The following KAZN variants were observed in gnomAD, a reference collection of about 807,000 sequenced individuals.
KAZN encodes kazrin.
Under a neutral mutation model 87.4 loss-of-function variants are expected in KAZN, and 40 were observed. The ratio of observed to expected loss-of-function variants is 0.46; its 90% CI spans 0.36 to 0.60. The LOEUF (loss-of-function observed/expected upper bound fraction) is 0.60. Among genes scored for constraint, KAZN ranks in the 20% least tolerant of loss-of-function variants. The pLI is 0.00. For missense variants in KAZN, 898 were observed against 1,073.9 expected (o/e 0.84, Z 2.29); for synonymous variants, 466 against 458.3 (o/e 1.02, Z -0.22).
In KAZN at chr1:13,993,196, T is replaced by A. The variant is rs534234154; in HGVS notation, c.91+99440T>A. 1.4e-4 allele frequency among the ~76,000 whole-genome samples: 21 copies of A among 152,342 alleles called. No individual in the cohort carries two copies. The East Asian group carries it at 3.5e-3, about 25-fold the overall frequency. On this transcript the variant is annotated intron_variant, in intron 1 of 16. Transcript: ENST00000636203. The stretch of plus-strand genomic sequence containing the variant: ...ATAATCCCAGAAAGAGGTTGCTTCA[T>A]CAGCCTGGGTCTCACAGTGAAGGTA...
intron 2 of KAZN, among the ~76,000 whole-genome samples, chr1:14,390,209 A>G (rs551590054): frequency 6.6e-6 from 1 of 152,366 alleles, no homozygotes; most frequent in Non-Finnish European, 1.5e-5. Context: ...GTGCTCAACA[A>G]TGATCTAGCT....
intron 1 of KAZN, among the ~76,000 whole-genome samples, chr1:14,138,152 G>T (rs1359721619): frequency 6.6e-6 from 1 of 151,532 alleles, no homozygotes; most frequent in Non-Finnish European, 1.5e-5. Flanking sequence ...GCAACTACTA[G>T]AAAATCTGCC....
At chr1:14,841,097 A>G (rs936429926) in intron 1 of KAZN, among the ~76,000 whole-genome samples, 1 of 152,186 alleles carries the variant, frequency 6.6e-6, no homozygotes, top group African/African-American at 2.4e-5. Flanking sequence ...CACCATATGT[A>G]CTTTTGCAGG....
intron 2 of KAZN, among the ~76,000 whole-genome samples, chr1:14,465,012 G>A (rs1218842993): frequency 2.6e-5 from 4 of 152,070 alleles, no homozygotes; most frequent in African/African-American, 9.7e-5. Flanking sequence ...CCAACAAGGA[G>A]GATTAGGTGA....
chr1:14,651,743 C>G (rs1300447682), intron 1 of KAZN, among the ~76,000 whole-genome samples: 1 of 152,206 alleles, frequency 6.6e-6, no homozygotes, highest in African/African-American at 2.4e-5. Context: ...CGTGTGAGCT[C>G]TAGCATTAGA....
intron 1 of KAZN, among the ~76,000 whole-genome samples, chr1:14,040,779 A>T (rs976107332): frequency 6.3e-5 from 9 of 143,818 alleles, no homozygotes; most frequent in African/African-American, 2.2e-4. Context: ...AAATTAAAAT[A>T]AAATAAAATT....
chr1:14,580,795 A>G (rs1173787236), intron 2 of KAZN, among the ~76,000 whole-genome samples: 1 of 152,148 alleles, frequency 6.6e-6, no homozygotes, highest in African/African-American at 2.4e-5. Context: ...TGCATTCCAG[A>G]TTCTTGGTCG....
intron 1 of KAZN, among the ~76,000 whole-genome samples, chr1:14,693,472 C>G (rs1337259161): frequency 2.0e-5 from 3 of 152,182 alleles, no homozygotes; most frequent in African/African-American, 7.2e-5. Context: ...TCAGCTCATG[C>G]TGGACTCGTC....
chr1:14,100,826 G>A (rs1644233531), intron 1 of KAZN, among the ~76,000 whole-genome samples: 1 of 152,208 alleles, frequency 6.6e-6, no homozygotes, highest in Admixed American at 6.5e-5. Flanking sequence ...CCATGTGTTT[G>A]TGGGAGGGAC....
intron 2 of KAZN, among the ~76,000 whole-genome samples, chr1:14,213,229 G>A (rs776240632): frequency 9.2e-5 from 14 of 152,264 alleles, no homozygotes; most frequent in African/African-American, 1.4e-4. Context: ...GGTACACGGG[G>A]TTGATTTCAT....
chr1:14,234,555 A>G (rs1648216270), intron 2 of KAZN, among the ~76,000 whole-genome samples: 1 of 152,176 alleles, frequency 6.6e-6, no homozygotes, highest in Non-Finnish European at 1.5e-5. Flanking sequence ...AAGTATAATA[A>G]TAATAATAAT....
chr1:14,246,686 G>T (rs1023522668), intron 2 of KAZN, among the ~76,000 whole-genome samples: 1 of 152,042 alleles, frequency 6.6e-6, no homozygotes, highest in Admixed American at 6.6e-5. Context: ...TTCCCTTACT[G>T]TTCTTTATAG....
intron 1 of KAZN, among the ~76,000 whole-genome samples, chr1:13,906,384 G>T (rs746942522): frequency 6.6e-6 from 1 of 152,166 alleles, no homozygotes; most frequent in Admixed American, 6.5e-5. Context: ...TCCTGGGGGC[G>T]GGCTTCGTTT....
chr1:14,274,599 G>A (rs1652204040), intron 2 of KAZN, among the ~76,000 whole-genome samples: 1 of 152,144 alleles, frequency 6.6e-6, no homozygotes, highest in Non-Finnish European at 1.5e-5. Context: ...GCACAATTTT[G>A]GCACAGGTGA....
chr1:13,952,325 T>C (rs1641376769), intron 1 of KAZN, among the ~76,000 whole-genome samples: 1 of 146,070 alleles, frequency 6.8e-6, no homozygotes, highest in Non-Finnish European at 1.5e-5. Flanking sequence ...GTCTTAGGTA[T>C]AAAATGGAGA....
Position 14,783,377 on chromosome 1 carries a change from T to A in KAZN, c.227-177307T>A, listed in dbSNP as rs1423063634. On this transcript the variant is annotated intron_variant, in intron 1 of 14. Transcript: ENST00000376030. Reference sequence around the variant, plus strand: ...GCCACTGCAAGAGGAAGAGCCCACATGCAGAGAACTGATAAAAACCAACTG... The same window carrying A: ...GCCACTGCAAGAGGAAGAGCCCACAAGCAGAGAACTGATAAAAACCAACTG... 2.0e-5 allele frequency among the ~76,000 whole-genome samples: 3 copies of A among 152,038 alleles called. No individual in the cohort carries two copies. The East Asian group carries it at 5.8e-4, about 29-fold the overall frequency.
At chr1:14,967,918 A>C (rs1664633060) in intron 2 of KAZN, among the ~76,000 whole-genome samples, 1 of 152,202 alleles carries the variant, frequency 6.6e-6, no homozygotes, top group South Asian at 2.1e-4. Flanking sequence ...GTATTATGTT[A>C]GGCCAGCAGT....
chr1:14,534,568 C>A (rs1022179847), intron 2 of KAZN, among the ~76,000 whole-genome samples: 1 of 152,102 alleles, frequency 6.6e-6, no homozygotes, highest in South Asian at 2.1e-4. Flanking sequence ...TCACTTGAAC[C>A]CAGGAGGCGG....
At chr1:15,054,852 G>T (rs760960823) in intron 4 of KAZN, among the ~76,000 whole-genome samples, 1 of 152,234 alleles carries the variant, frequency 6.6e-6, no homozygotes, top group Non-Finnish European at 1.5e-5. Context: ...GCGGCCTCCC[G>T]GCCCCAGCTC....
Sources: gnomAD v4.1 joint callset for allele counts (sites outside exome capture counted in the v4.1 genomes callset) on GRCh38, gnomAD v4.1.1 for gene constraint, MANE v1.5 for transcripts, NCBI Gene and HGNC (gene_info 2026-07-23, HGNC 2026-07-21) for gene names.